Variants in SVEP1 observed in about 807,000 individuals in gnomAD.
SVEP1 encodes sushi, von Willebrand factor type A, EGF and pentraxin domain containing 1.
A neutral mutation model predicts 367.3 loss-of-function variants in SVEP1; 164 were observed. That is an observed-to-expected ratio of 0.45 (90% CI 0.39 to 0.51). SVEP1 has a LOEUF of 0.51. Among genes scored for constraint, SVEP1 ranks in the 20% least tolerant of loss-of-function variants. The pLI is 0.00. For synonymous variants in SVEP1, 1,666 were observed against 1,611.6 expected (o/e 1.03, Z -0.81); for missense variants, 4,117 against 4,425.3 (o/e 0.93, Z 1.98).
At chr9:110,417,533 T>TG (rs1273109832) in intron 36 of SVEP1, among the ~76,000 whole-genome samples, 3 of 3,898 alleles carry the variant, frequency 7.7e-4, no homozygotes, top group African/African-American at 3.4e-3. Flanking sequence ...GCAACGAGGC[T>TG]GGGGGAGGGG....
At chr9:110,388,015 C>T (rs1258895531) in intron 41 of SVEP1, among the ~76,000 whole-genome samples, 1 of 152,150 alleles carries the variant, frequency 6.6e-6, no homozygotes, top group East Asian at 1.9e-4. Context: ...GGCAACCTTA[C>T]TTATAGCAAC....
At chr9:110,480,614 T>G (rs933460646) in intron 12 of SVEP1, among the ~76,000 whole-genome samples, 3 of 152,152 alleles carry the variant, frequency 2.0e-5, no homozygotes, top group African/African-American at 7.2e-5. Flanking sequence ...GTAGCTCTTC[T>G]GCACACTATG....
chr9:110,390,513 A>G (rs1490167267), intron 40 of SVEP1, among the ~76,000 whole-genome samples: 1 of 151,224 alleles, frequency 6.6e-6, no homozygotes, highest in Non-Finnish European at 1.5e-5. Context: ...GACAATCAGA[A>G]ATAATATTAA....
intron 13 of SVEP1, among the ~76,000 whole-genome samples, chr9:110,478,295 T>C (rs921500799): frequency 1.4e-4 from 21 of 152,336 alleles, no homozygotes; most frequent in Admixed American, 1.4e-3. Context: ...TTCCTTGTAA[T>C]TTGTTTATTG....
intron 14 of SVEP1, among the ~76,000 whole-genome samples, chr9:110,473,173 CTACTT>C (rs1179126101): frequency 1.3e-5 from 2 of 152,136 alleles, no homozygotes; most frequent in Non-Finnish European, 2.9e-5. Context: ...ATAGGCCTCT[CTACTT>C]AAGTAAATTG....
In SVEP1 at chr9:110,365,525, G is replaced by C. The variant is rs1447402903; in HGVS notation, c.*1014C>G. 1.3e-5 allele frequency: 2 copies of C among 152,184 alleles called. No individual in the cohort carries two copies. The highest frequency in any genetic ancestry group is 4.8e-5 in the African/African-American group (2 of 41,416). 9.4% of individuals were successfully genotyped at this position (152,184 alleles called of 1,614,324 possible). ...GTTTCCTATTTTAAAACAAAATCTA[G>C]GGTTTGACTTTATTTTCTGAAGTCT... On this transcript the variant is annotated 3_prime_UTR_variant, in exon 48 of 48. Coordinates refer to ENST00000374469, the MANE Select transcript of SVEP1 (RefSeq NM_153366.4).
At chr9:110,396,941 T>C (rs1257091590) in intron 40 of SVEP1, among the ~76,000 whole-genome samples, 1 of 151,752 alleles carries the variant, frequency 6.6e-6, no homozygotes, top group Non-Finnish European at 1.5e-5. Flanking sequence ...CCATTCCTTC[T>C]GAAACTATTC....
chr9:110,446,893 T>C lies in SVEP1; in HGVS notation c.4261+7A>G. ...ATTGTTATTAATAACACTGAGTTGA[T>C]ACATACCTGTTTCACACCTTTTGCC... On this transcript the variant is annotated splice_region_variant and intron_variant, in intron 25 of 47. Transcript: ENST00000374469. The C allele has an allele frequency of 5.3e-6, 8 of 1,522,696 alleles. No homozygotes were observed. The highest frequency in any genetic ancestry group is 7.0e-6 in the Non-Finnish European group (8 of 1,135,172). The allele number at this position is 1,522,696 out of a possible 1,614,324, so 94.3% of individuals were successfully genotyped here. A position where few individuals can be genotyped will look rare whatever the true frequency, so the allele number is the denominator to read the frequency against.
At chr9:110,384,072 C>T (rs1827484155) in intron 43 of SVEP1, among the ~76,000 whole-genome samples, 4 of 152,192 alleles carry the variant, frequency 2.6e-5, no homozygotes, top group African/African-American at 9.7e-5. Flanking sequence ...GTTCCTCCCT[C>T]CGATAACTCA....
At chr9:110,512,005 G>T (rs986997618) in intron 5 of SVEP1, among the ~76,000 whole-genome samples, 1 of 152,062 alleles carries the variant, frequency 6.6e-6, no homozygotes, top group Non-Finnish European at 1.5e-5. Flanking sequence ...GAACCAGCAC[G>T]CCCAGTTAAA....
At chr9:110,512,273 C>A (rs1025841900) in intron 5 of SVEP1, among the ~76,000 whole-genome samples, 1 of 152,032 alleles carries the variant, frequency 6.6e-6, no homozygotes, top group Non-Finnish European at 1.5e-5. Context: ...TCTAACCCTA[C>A]TTGTAAAACC....
chr9:110,448,154 T>C (rs1206427173), intron 24 of SVEP1, among the ~76,000 whole-genome samples: 3 of 59,880 alleles, frequency 5.0e-5, no homozygotes, highest in African/African-American at 2.2e-4. Flanking sequence ...TGTGTGCGCG[T>C]GTGTGTGTGC....
intron 22 of SVEP1, among the ~76,000 whole-genome samples, chr9:110,452,466 T>C (rs1828707564): frequency 6.6e-6 from 1 of 152,130 alleles, no homozygotes; most frequent in Admixed American, 6.5e-5. Flanking sequence ...TAATACTGTC[T>C]AAGGAAATGC....
At chr9:110,480,073 T>A (rs1398376730) in intron 12 of SVEP1, among the ~76,000 whole-genome samples, 6 of 152,222 alleles carry the variant, frequency 3.9e-5, no homozygotes, top group Non-Finnish European at 7.3e-5. Context: ...TTCCTGGGAA[T>A]TTTTGAAAAA....
chr9:110,497,469 T>C (rs1318059676), intron 7 of SVEP1, among the ~76,000 whole-genome samples: 2 of 152,210 alleles, frequency 1.3e-5, no homozygotes, highest in Non-Finnish European at 2.9e-5. Context: ...TTTAAGTTAT[T>C]TGAAGGTCAG....
intron 18 of SVEP1, among the ~76,000 whole-genome samples, chr9:110,461,017 T>A (rs1273295678): frequency 6.6e-6 from 1 of 152,218 alleles, no homozygotes; most frequent in Non-Finnish European, 1.5e-5. Context: ...TTTTTTGTAT[T>A]CGTCGGTCTG....
At position 110,528,266 on chromosome 9, in the gene SVEP1, T is replaced by C. The variant is rs192888015; in HGVS notation, c.965-14160A>G. 6.7e-3 allele frequency among the ~76,000 whole-genome samples: 999 copies of C among 149,734 alleles called. 20 individuals are homozygous for C. The highest frequency in any genetic ancestry group is 0.023 in the African/African-American group (939 of 40,884). On this transcript the variant is annotated intron_variant, in intron 3 of 47. Transcript: ENST00000374469. ...ATCTTTGCAATTGTGAATTGTGCTA[T>C]GATAAACACACATGTTTATCTTCTT...
chr9:110,455,603 T>G lies in SVEP1; in HGVS notation c.3774A>C (p.Pro1258=). 1 of 1,613,460 alleles carries G rather than the reference T, an allele frequency of 6.2e-7. No individual in the cohort carries two copies. Residue 1258 remains proline (P), a synonymous_variant, in exon 22 of 48, where the codon CCA becomes CCC. Coordinates refer to ENST00000374469, the MANE Select transcript of SVEP1 (RefSeq NM_153366.4). ...DLVGEFICEC[P]SGYTGQRCEE... ...CCTTCCCCTTACCTGTGTAACCTGA[T>G]GGGCACTCACAAATGAATTCCCCAA...
At chr9:110,513,232 C>A in intron 4 of SVEP1, 127 bp from the exon 5 acceptor site, 2 of 894,994 alleles carry the variant, frequency 2.2e-6, no homozygotes, top group Non-Finnish European at 3.3e-6. Flanking sequence ...TTCCATTTAC[C>A]GCATTTGGAT....
Sources: gnomAD v4.1 joint callset for allele counts (sites outside exome capture counted in the v4.1 genomes callset) on GRCh38, gnomAD v4.1.1 for gene constraint, MANE v1.5 for transcripts, NCBI Gene and HGNC (gene_info 2026-07-23, HGNC 2026-07-21) for gene names.